Variants in ZNF462 observed in about 807,000 individuals in gnomAD.
ZNF462 encodes zinc finger PBX1-interacting protein.
A neutral mutation model predicts 201.9 loss-of-function variants in ZNF462; 10 were observed. That is an observed-to-expected ratio of 0.05 (90% CI 0.03 to 0.08). The LOEUF (loss-of-function observed/expected upper bound fraction) is 0.08. Among genes scored for constraint, ZNF462 ranks in the 10% least tolerant of loss-of-function variants. The pLI is 1.00. For synonymous variants in ZNF462, 1,227 were observed against 1,193.3 expected, an observed-to-expected ratio of 1.03 and a Z score of -0.58; for missense variants, 2,523 against 3,168.3, an observed-to-expected ratio of 0.80 and a Z score of 4.89.
intron 7 of ZNF462, among the ~76,000 whole-genome samples, chr9:106,956,882 T>C (rs1315709059): frequency 1.3e-5 from 2 of 152,190 alleles, no homozygotes; most frequent in Non-Finnish European, 2.9e-5. Context: ...AGGGCCTTGC[T>C]TTGGATTAGG....
rs1826876799 is a variant in ZNF462, at chr9:106,974,842, G to C, written c.6832+569G>C. On this transcript the variant is annotated intron_variant, in intron 9 of 12. Coordinates refer to ENST00000277225, the MANE Select transcript of ZNF462 (RefSeq NM_021224.6). This position sits in a 1 kb window ranked among gnomAD's most constrained non-coding sequence, Gnocchi z 4.0. Reference sequence around the variant, plus strand: ...TTTGGATTTAAATTCTGGTTTTAGAGCCCACTGTGTTTAACCTCTCCATCC... The same window carrying C: ...TTTGGATTTAAATTCTGGTTTTAGACCCCACTGTGTTTAACCTCTCCATCC... 2 of 155,278 alleles carry C rather than the reference G, an allele frequency of 1.3e-5. No individual in the cohort carries two copies. The highest frequency in any genetic ancestry group is 1.2e-4 in the Admixed American group (2 of 16,110). 9.6% of individuals were successfully genotyped at this position (155,278 alleles called of 1,614,324 possible).
intron 10 of ZNF462, among the ~76,000 whole-genome samples, chr9:106,991,666 T>C (rs1383067416): frequency 3.3e-5 from 5 of 152,034 alleles, no homozygotes; most frequent in Non-Finnish European, 7.4e-5. Flanking sequence ...GATAGATGCA[T>C]AGATCAGTAG....
chr9:106,978,290 A>T lies in ZNF462; in HGVS notation c.6832+4017A>T, dbSNP rs190712636. On this transcript the variant is annotated intron_variant, in intron 9 of 12. Coordinates refer to ENST00000277225, the MANE Select transcript of ZNF462 (RefSeq NM_021224.6). The surrounding 1 kb of genome is among the most constrained non-coding windows in gnomAD (Gnocchi z 4.1). The stretch of plus-strand genomic sequence containing the variant: ...AACCACTGAGGTCGGTGGAAGCAAG[A>T]CATGTTTGCAGAATGTTATTAGACA... Among the ~76,000 whole-genome samples, 50 of 151,714 alleles carry T rather than the reference A, an allele frequency of 3.3e-4. 2 individuals are homozygous for T. Among genetic ancestry groups the T allele is most frequent in the African/African-American group, 1.1e-3 (46 of 40,988 alleles).
At chr9:107,002,822 C>G (rs1038499889) in intron 10 of ZNF462, among the ~76,000 whole-genome samples, 3 of 152,308 alleles carry the variant, frequency 2.0e-5, no homozygotes, top group Non-Finnish European at 4.4e-5. Context: ...GCCTGCAACA[C>G]CCTGGTTGAT....
intron 7 of ZNF462, among the ~76,000 whole-genome samples, chr9:106,952,654 T>C (rs1360007043): frequency 6.6e-6 from 1 of 152,232 alleles, no homozygotes; most frequent in Non-Finnish European, 1.5e-5. Context: ...TGGAATGCAT[T>C]GATGAGTCCC....
intron 7 of ZNF462, among the ~76,000 whole-genome samples, chr9:106,965,983 A>G (rs1215357286): frequency 6.6e-6 from 1 of 151,994 alleles, no homozygotes; most frequent in African/African-American, 2.4e-5. Flanking sequence ...ACCTTTCTCA[A>G]ATTTTCTTCA....
Position 106,926,994 on chromosome 9 carries a change from G to T in ZNF462, c.3082G>T (p.Val1028Phe). 1 of 1,614,172 alleles carries T rather than the reference G, an allele frequency of 6.2e-7. No individual in the cohort carries two copies. Among genetic ancestry groups the T allele is most frequent in the Non-Finnish European group, 8.5e-7 (1 of 1,180,030 alleles). Residue 1028 changes from valine to phenylalanine, a missense_variant, in exon 3 of 13, where the codon GTT (valine) becomes TTT (phenylalanine). Val to Phe is a conservative substitution (Grantham distance 50). Around this residue, in one of 15 missense-constraint regions of ZNF462, gnomAD observed 280 missense variants for 321.3 expected, o/e 0.87. Coordinates refer to ENST00000277225, the MANE Select transcript of ZNF462 (RefSeq NM_021224.6). This position sits in a 1 kb window ranked among gnomAD's most constrained non-coding sequence, Gnocchi z 7.9. ...NQKDPLVNTV[V>F]VYDCDVCSFA... ...GAAGGACCCTTTGGTCAACACTGTT[G>T]TTGTTTATGATTGTGATGTTTGTTC...
chr9:106,874,491 T>G (rs991595379), intron 1 of ZNF462, among the ~76,000 whole-genome samples: 1 of 152,176 alleles, frequency 6.6e-6, no homozygotes, highest in South Asian at 2.1e-4. Flanking sequence ...AGGGGCTCCA[T>G]AGGAGAGGAA....
rs773873794 is a variant in ZNF462, at chr9:106,925,662, C to G, written c.1750C>G (p.Pro584Ala). 8.7e-6 allele frequency: 14 copies of G among 1,613,974 alleles called. No individual in the cohort carries two copies. In the South Asian group the frequency reaches 1.5e-4, roughly 18 times the overall value. ...VPPQPQTQPP[P>A]TQQPQPPTQA... ...ACCCCAGCCACAAACACAGCCACCA[C>G]CAACGCAGCAGCCACAGCCACCCAC... Residue 584 changes from proline to alanine, a missense_variant, in exon 3 of 13, where the codon CCA becomes GCA. By Grantham distance (27) the Pro-to-Ala change is conservative. This residue lies in a region of ZNF462 where 383 missense variants were observed against 453.4 expected (regional missense o/e 0.84). Transcript: ENST00000277225. The surrounding 1 kb of genome is among the most constrained non-coding windows in gnomAD (Gnocchi z 7.9).
upstream of ZNF462, among the ~76,000 whole-genome samples, chr9:106,861,723 G>A (rs541711671): frequency 5.9e-5 from 9 of 152,246 alleles, no homozygotes; most frequent in East Asian, 1.4e-3. Context: ...AATTAAAACC[G>A]TAGGAGACTT....
intron 7 of ZNF462, among the ~76,000 whole-genome samples, chr9:106,961,111 T>C (rs1831818027): frequency 6.6e-6 from 1 of 152,110 alleles, no homozygotes; most frequent in South Asian, 2.1e-4. Flanking sequence ...AAAGCTATGA[T>C]GTATTTAAAT....
In ZNF462 at chr9:106,932,633, G is replaced by T; in HGVS notation, c.6116+84G>T. 2 of 1,559,906 alleles carry T rather than the reference G, an allele frequency of 1.3e-6. No homozygotes were observed. Among genetic ancestry groups the T allele is most frequent in the Non-Finnish European group, 1.8e-6 (2 of 1,141,174 alleles). On this transcript the variant is annotated intron_variant, in intron 5 of 12. Transcript: ENST00000277225. The surrounding 1 kb of genome is among the most constrained non-coding windows in gnomAD (Gnocchi z 6.8). ...ACTAAGCTAAAGCAGAAGCTTGGAT[G>T]AGTAAGAAGGCCCCACTCATGGTTC...
At chr9:106,891,238 A>G (rs1828563091) in intron 1 of ZNF462, among the ~76,000 whole-genome samples, 1 of 152,248 alleles carries the variant, frequency 6.6e-6, no homozygotes, top group Non-Finnish European at 1.5e-5. Flanking sequence ...GCTTTTTGCC[A>G]TTAGGAATTC....
chr9:106,994,645 T>A (rs115842901), intron 10 of ZNF462, among the ~76,000 whole-genome samples: 3,287 of 152,238 alleles, frequency 0.022, 111 homozygotes, highest in African/African-American at 0.075. Flanking sequence ...GCTTCTTGGT[T>A]TGTTAACTAT....
Position 106,872,912 on chromosome 9 carries a change from A to G in ZNF462, c.-31+9557A>G, listed in dbSNP as rs1421632428. Among the ~76,000 whole-genome samples, 1 of 151,978 alleles carries G rather than the reference A, an allele frequency of 6.6e-6. No homozygotes were observed. Among genetic ancestry groups the G allele is most frequent in the African/African-American group, 2.4e-5 (1 of 41,350 alleles). On this transcript the variant is annotated intron_variant, in intron 1 of 12. Transcript: ENST00000277225. This position sits in a 1 kb window ranked among gnomAD's most constrained non-coding sequence, Gnocchi z 4.5. ...ACAACGGTTTTTATTTTTTTTTAAC[A>G]TTTAATATGAACCAGGGACTGTTCA...
At chr9:106,889,852 T>C (rs367892445) in intron 1 of ZNF462, among the ~76,000 whole-genome samples, 3 of 152,228 alleles carry the variant, frequency 2.0e-5, no homozygotes, top group South Asian at 4.1e-4. Context: ...TGTACTATCT[T>C]TATTTGCTGA....
chr9:107,011,926 CAT>C lies in ZNF462; in HGVS notation c.*897_*898del, dbSNP rs1260718979. On this transcript the variant is annotated 3_prime_UTR_variant, in exon 13 of 13. Transcript: ENST00000277225. The surrounding 1 kb of genome is among the most constrained non-coding windows in gnomAD (Gnocchi z 5.6). ...GGTGATTGTGGAGTTTTGTTTGCCA[CAT>C]GTTTATTTTCTATCAATTTGAGTGT... The C allele has an allele frequency of 3.3e-5, 5 of 152,000 alleles. No homozygotes were observed. Among genetic ancestry groups the C allele is most frequent in the African/African-American group, 4.8e-5 (2 of 41,410 alleles). The allele number at this position is 152,000 out of a possible 1,614,324, so 9.4% of individuals were successfully genotyped here. A position where few individuals can be genotyped will look rare whatever the true frequency, so the allele number is the denominator to read the frequency against.
chr9:107,009,454 G>A lies in ZNF462; in HGVS notation c.7190-91G>A. On this transcript the variant is annotated intron_variant, in intron 11 of 12. Transcript: ENST00000277225. This position sits in a 1 kb window ranked among gnomAD's most constrained non-coding sequence, Gnocchi z 6.1. ...TTCACCACATGGCTTTATCAGTGAAGGTAGGAGAGAGGGTATCCTAATGAA... is the reference window on the plus strand; with the variant it reads ...TTCACCACATGGCTTTATCAGTGAAAGTAGGAGAGAGGGTATCCTAATGAA... 6.5e-7 allele frequency: 1 copy of A among 1,536,544 alleles called. No homozygotes were observed.
intron 1 of ZNF462, among the ~76,000 whole-genome samples, chr9:106,879,993 G>T (rs777971158): frequency 6.6e-6 from 1 of 152,106 alleles, no homozygotes; most frequent in Non-Finnish European, 1.5e-5. Flanking sequence ...TCTTGGAATC[G>T]TGGATCCTTG....
Sources: gnomAD v4.1 joint callset for allele counts (sites outside exome capture counted in the v4.1 genomes callset) on GRCh38, gnomAD v4.1.1 for gene constraint, gnomAD v4.1.1 regional missense constraint, Gnocchi (gnomAD v3.1) non-coding constraint, MANE v1.5 for transcripts, NCBI Gene and HGNC (gene_info 2026-07-23, HGNC 2026-07-21) for gene names.